Variants in SLC39A10 observed in about 807,000 individuals in gnomAD.
SLC39A10 encodes zinc transporter ZIP10.
Under a neutral mutation model 65.1 loss-of-function variants are expected in SLC39A10, and 13 were observed. That is an observed-to-expected ratio of 0.20 (90% CI 0.13 to 0.32). SLC39A10 has a LOEUF of 0.32. Among genes scored for constraint, SLC39A10 ranks in the 10% least tolerant of loss-of-function variants. The pLI is 1.00. For synonymous variants in SLC39A10, 321 were observed against 342.2 expected, an observed-to-expected ratio of 0.94 and a Z score of 0.68; for missense variants, 831 against 1,018.4, an observed-to-expected ratio of 0.82 and a Z score of 2.50.
At chr2:195,712,453 A>G (rs1691635248) in intron 5 of SLC39A10, among the ~76,000 whole-genome samples, 1 of 152,276 alleles carries the variant, frequency 6.6e-6, no homozygotes, top group Non-Finnish European at 1.5e-5. Flanking sequence ...TAGCCATGCA[A>G]GCTTACTTAT....
At chr2:195,689,570 AAT>A (rs1690651135) in intron 3 of SLC39A10, among the ~76,000 whole-genome samples, 1 of 152,128 alleles carries the variant, frequency 6.6e-6, no homozygotes, top group Non-Finnish European at 1.5e-5. Context: ...ACAGTAACAA[AAT>A]TTGTCATTTT....
At chr2:195,675,481 G>A (rs1165186113) in intron 1 of SLC39A10, among the ~76,000 whole-genome samples, 2 of 152,190 alleles carry the variant, frequency 1.3e-5, no homozygotes, top group African/African-American at 4.8e-5. Context: ...TGTCGCCCAG[G>A]CTGGAGTGCA....
intron 2 of SLC39A10, among the ~76,000 whole-genome samples, chr2:195,634,097 C>G (rs942050621): frequency 6.6e-6 from 1 of 152,246 alleles, no homozygotes; most frequent in Non-Finnish European, 1.5e-5. Flanking sequence ...GAAAAGAACT[C>G]TGCTGTAACC....
intron 8 of SLC39A10, among the ~76,000 whole-genome samples, chr2:195,720,600 T>C (rs1691997193): frequency 1.3e-5 from 2 of 152,372 alleles, no homozygotes; most frequent in East Asian, 1.9e-4. Flanking sequence ...ACTTATCATA[T>C]AAATTTCTTG....
At position 195,633,782 on chromosome 2, in the gene SLC39A10, T is replaced by C. The variant is rs79094275; in HGVS notation, c.-12+27549T>C. Among the ~76,000 whole-genome samples the C allele has an allele frequency of 3.0e-3, 451 of 152,034 alleles. 7 individuals carry two copies. The East Asian group carries it at 0.064, about 22-fold the overall frequency. On this transcript the variant is annotated intron_variant, in intron 2 of 2. Coordinates refer to the SLC39A10 transcript ENST00000458054. ...TCCCTCTGAAGTCAAACTACTTCTC[T>C]CCAACATTCAGCTGCTTCTTCTCCT...
chr2:195,689,121 G>A lies in SLC39A10; in HGVS notation c.1216+5215G>A, dbSNP rs115856286. Among the ~76,000 whole-genome samples, 876 of 152,306 alleles carry A rather than the reference G, an allele frequency of 5.8e-3. 8 individuals carry two copies. The highest frequency in any genetic ancestry group is 0.02 in the African/African-American group (845 of 41,564). On this transcript the variant is annotated intron_variant, in intron 3 of 9. Coordinates refer to ENST00000359634, the MANE Select transcript of SLC39A10 (RefSeq NM_020342.3). ...GGAGAAAACAGTGGATTAAAAATTAGAGGACTGGCTAGGAGCAGTGGCTCA... is the reference window on the plus strand; with the variant it reads ...GGAGAAAACAGTGGATTAAAAATTAAAGGACTGGCTAGGAGCAGTGGCTCA...
At chr2:195,681,145 A>G (rs1365380568) in intron 2 of SLC39A10, 95 bp downstream of exon 2, 2 of 1,209,590 alleles carry the variant, frequency 1.7e-6, no homozygotes, top group Non-Finnish European at 1.1e-6. Flanking sequence ...AGTATTAATC[A>G]TATTTAAACT....
At chr2:195,625,593 T>C (rs1688456258) in intron 2 of SLC39A10, among the ~76,000 whole-genome samples, 2 of 152,154 alleles carry the variant, frequency 1.3e-5, no homozygotes, top group African/African-American at 2.4e-5. Flanking sequence ...CTTATTTTAA[T>C]TAGCCAGTTA....
At chr2:195,650,737 G>A (rs775627831) in intron 2 of SLC39A10, among the ~76,000 whole-genome samples, 1 of 152,018 alleles carries the variant, frequency 6.6e-6, no homozygotes, top group Non-Finnish European at 1.5e-5. Context: ...CCTGAAACTC[G>A]GTTTTATTGC....
At chr2:195,674,675 T>G in intron 1 of SLC39A10, 5 of 979,814 alleles carry the variant, frequency 5.1e-6, no homozygotes, top group Non-Finnish European at 4.8e-6. Context: ...CATTGCTTAA[T>G]GCTGAGTATG....
intron 2 of SLC39A10, among the ~76,000 whole-genome samples, chr2:195,626,003 C>T (rs769508803): frequency 2.0e-5 from 3 of 152,122 alleles, no homozygotes; most frequent in Non-Finnish European, 4.4e-5. Context: ...ATGCTGGTCT[C>T]GAACTCCTGG....
At chr2:195,726,547 G>T (rs1692247356) in intron 8 of SLC39A10, among the ~76,000 whole-genome samples, 1 of 152,086 alleles carries the variant, frequency 6.6e-6, no homozygotes, top group African/African-American at 2.4e-5. Context: ...AGGTATTTAG[G>T]ATCAGAGGAG....
intron 1 of SLC39A10, among the ~76,000 whole-genome samples, chr2:195,659,694 A>G (rs1221853194): frequency 1.3e-5 from 2 of 152,176 alleles, no homozygotes; most frequent in Non-Finnish European, 2.9e-5. Context: ...TTAATCTTCT[A>G]TTTGAACTTC....
At chr2:195,632,196 T>C (rs150560392) in intron 2 of SLC39A10, among the ~76,000 whole-genome samples, 362 of 151,060 alleles carry the variant, frequency 2.4e-3, no homozygotes, top group Non-Finnish European at 3.8e-3. Flanking sequence ...CCCATCATCA[T>C]GCCCAGCCTG....
chr2:195,628,615 A>G (rs1171393987), intron 2 of SLC39A10, among the ~76,000 whole-genome samples: 1 of 152,248 alleles, frequency 6.6e-6, no homozygotes, highest in Admixed American at 6.5e-5. Context: ...AATTAATTGC[A>G]AATGTGATAA....
chr2:195,717,380 A>T (rs563872098), intron 7 of SLC39A10: 1 of 166,828 alleles, frequency 6.0e-6, no homozygotes, highest in Admixed American at 6.1e-5. Context: ...AGCAAAAAAA[A>T]AAATTTACAA....
intron 3 of SLC39A10, among the ~76,000 whole-genome samples, chr2:195,701,576 G>T (rs1354970162): frequency 1.3e-5 from 2 of 148,636 alleles, no homozygotes; most frequent in African/African-American, 2.5e-5. Flanking sequence ...CCCAGGGTTT[G>T]CTATTTTCTT....
intron 2 of SLC39A10, among the ~76,000 whole-genome samples, chr2:195,618,017 G>T (rs1371595678): frequency 2.7e-5 from 4 of 150,906 alleles, no homozygotes; most frequent in Admixed American, 6.6e-5. Flanking sequence ...GGGATTACAG[G>T]CGTGAGCCAC....
intron 2 of SLC39A10, among the ~76,000 whole-genome samples, chr2:195,616,231 A>G (rs1262989193): frequency 6.6e-6 from 1 of 152,198 alleles, no homozygotes; most frequent in Non-Finnish European, 1.5e-5. Context: ...TTAGGATTAC[A>G]GGCGTGAGCC....
Sources: allele counts gnomAD v4.1 joint callset (sites outside exome capture counted in the v4.1 genomes callset), GRCh38; gene constraint gnomAD v4.1.1; transcripts MANE v1.5; gene names NCBI Gene and HGNC (gene_info 2026-07-23, HGNC 2026-07-21).